The following RHBDD1 variants were observed in gnomAD, a reference collection of about 807,000 sequenced individuals.
RHBDD1 encodes rhomboid-related protein 4.
Under a neutral mutation model 36.3 loss-of-function variants are expected in RHBDD1, and 38 were observed. That is an observed-to-expected ratio of 1.05 (90% confidence interval 0.81 to 1.37). RHBDD1 has a LOEUF of 1.37. Ranked by LOEUF, RHBDD1 falls within the 40% of genes most tolerant of loss-of-function variation. The pLI, the probability that RHBDD1 is intolerant of heterozygous loss-of-function variation, is 0.00. For synonymous variants in RHBDD1, 151 were observed against 136.5 expected (o/e 1.11, Z -0.74); for missense variants, 393 against 377.6 (o/e 1.04, Z -0.34).
intron 3 of RHBDD1, among the ~76,000 whole-genome samples, chr2:226,847,462 C>T (rs1278103662): frequency 6.6e-6 from 1 of 151,978 alleles, no homozygotes; most frequent in Non-Finnish European, 1.5e-5. Context: ...TATTATTTGC[C>T]CATTTCCAAA....
chr2:226,961,893 A>G (rs574095046), intron 8 of RHBDD1, among the ~76,000 whole-genome samples: 1 of 152,298 alleles, frequency 6.6e-6, no homozygotes, highest in African/African-American at 2.4e-5. Context: ...TAGGTGAGGA[A>G]ATGAAGGTGC....
chr2:226,974,948 C>G (rs1174450441), intron 8 of RHBDD1, among the ~76,000 whole-genome samples: 1 of 152,154 alleles, frequency 6.6e-6, no homozygotes, highest in Non-Finnish European at 1.5e-5. Flanking sequence ...GCTCCTGTGG[C>G]ACAGATGAGG....
At position 226,848,108 on chromosome 2, in the gene RHBDD1, A is replaced by G. The variant is rs115237153; in HGVS notation, c.-91+8481A>G. On this transcript the variant is annotated intron_variant, in intron 3 of 8. Transcript: ENST00000392062. ...TTCTTGTTACTTTTTTAAAATCTTG[A>G]TTTTTAAAACGGATTTTTTTTTAAG... 7.9e-3 allele frequency among the ~76,000 whole-genome samples: 1,203 copies of G among 152,290 alleles called. 14 individuals carry two copies. Among genetic ancestry groups the G allele is most frequent in the South Asian group, 0.043 (208 of 4,826 alleles).
At chr2:226,907,065 G>A (rs771075124) in intron 6 of RHBDD1, 184 bp downstream of exon 6, 1 of 654,668 alleles carries the variant, frequency 1.5e-6, no homozygotes, top group East Asian at 2.7e-5. Flanking sequence ...CACAAAAGAG[G>A]CTGCAAACTT....
intron 8 of RHBDD1, chr2:226,988,785 C>G: frequency 2.4e-6 from 2 of 833,890 alleles, no homozygotes; most frequent in South Asian, 5.5e-5. Flanking sequence ...ACAAACTGTT[C>G]TCTATTTTAG....
rs188099548 is a variant in RHBDD1, at chr2:226,958,053, G to A, written c.857-37378G>A. Among the ~76,000 whole-genome samples, 484 of 152,198 alleles carry A rather than the reference G, an allele frequency of 3.2e-3. 1 individual carries two copies. The highest frequency in any genetic ancestry group is 5.3e-3 in the Admixed American group (81 of 15,290). On this transcript the variant is annotated intron_variant, in intron 8 of 8. Transcript: ENST00000392062. ...TTAATCACCAATTTTTAAGAGAAAT[G>A]AAAACATATACCTACACAAAAACTT...
chr2:226,987,692 G>A (rs1051133697), intron 8 of RHBDD1, among the ~76,000 whole-genome samples: 2 of 152,230 alleles, frequency 1.3e-5, no homozygotes, highest in African/African-American at 4.8e-5. Context: ...AGTGACCTGT[G>A]CCAGATCGTG....
At chr2:226,869,156 T>C in intron 5 of RHBDD1, 1 of 985,172 alleles carries the variant, frequency 1.0e-6, no homozygotes, top group Non-Finnish European at 1.2e-6. Flanking sequence ...CCCCCCAACT[T>C]ACATGGAAAA....
chr2:226,968,192 G>A (rs770442129), intron 8 of RHBDD1, among the ~76,000 whole-genome samples: 15 of 152,268 alleles, frequency 9.9e-5, no homozygotes, highest in Non-Finnish European at 2.2e-4. Flanking sequence ...TGTATAAACT[G>A]GAAGAACCCA....
At chr2:226,990,612 T>A (rs1367304528) in intron 8 of RHBDD1, among the ~76,000 whole-genome samples, 1 of 152,168 alleles carries the variant, frequency 6.6e-6, no homozygotes, top group Non-Finnish European at 1.5e-5. Flanking sequence ...TAGCAATTCT[T>A]ATCTGGACAA....
rs1318835600 is a variant in RHBDD1, at chr2:226,914,797, C to T, written c.856+446C>T. On this transcript the variant is annotated intron_variant, in intron 8 of 8. Transcript: ENST00000392062. ...AGCTCAGATTTGACTTCTGCTGAAC[C>T]AATCTGTCTGGGGGTAGAGCCTAGA... Among the ~76,000 whole-genome samples, 3 of 152,160 alleles carry T rather than the reference C, an allele frequency of 2.0e-5. No homozygotes were observed. The East Asian group carries it at 5.8e-4, about 29-fold the overall frequency.
rs368538686 is a variant in RHBDD1, at chr2:226,922,872, ACAAG to A, written c.856+8537_856+8540del. 4.8e-3 allele frequency among the ~76,000 whole-genome samples: 724 copies of A among 152,310 alleles called. 5 individuals are homozygous for A. Among genetic ancestry groups the A allele is most frequent in the South Asian group, 0.041 (198 of 4,824 alleles). ...AACTTAACACTGATTGCATAAACAA[ACAAG>A]CAAGCAAGCAAGCAAAGAGAAAATG... On this transcript the variant is annotated intron_variant, in intron 8 of 8. Transcript: ENST00000392062.
rs544393734 is a variant in RHBDD1 at position 226,937,369 on chromosome 2, T to C, written c.856+23018T>C. 1.2e-4 allele frequency among the ~76,000 whole-genome samples: 18 copies of C among 152,302 alleles called. No individual in the cohort carries two copies. In the East Asian group the frequency reaches 3.5e-3, roughly 29 times the overall value. On this transcript the variant is annotated intron_variant, in intron 8 of 8. Coordinates refer to ENST00000392062, the MANE Select transcript of RHBDD1 (RefSeq NM_001167608.3). ...AGACTTTGTTTTATAAACTCAATAG[T>C]TGATATTTTCAGTGAATAAAATTTT...
At chr2:226,969,719 T>A (rs1953079628) in intron 8 of RHBDD1, among the ~76,000 whole-genome samples, 1 of 152,234 alleles carries the variant, frequency 6.6e-6, no homozygotes, top group African/African-American at 2.4e-5. Context: ...ATCCATATGT[T>A]CCTGAGTCAC....
chr2:226,812,253 G>A, the RHBDD1 span, among the ~76,000 whole-genome samples: 1 of 152,192 alleles, frequency 6.6e-6, no homozygotes, highest in Non-Finnish European at 1.5e-5. Context: ...AAAATGGAAT[G>A]GTTTCTAAAA....
At chr2:226,854,888 GTAGAC>G in intron 3 of RHBDD1, among the ~76,000 whole-genome samples, 1 of 152,304 alleles carries the variant, frequency 6.6e-6, no homozygotes, top group Admixed American at 6.5e-5. Context: ...TGCTGTGTAA[GTAGAC>G]TAGGGGAAGA....
At chr2:226,943,437 A>G (rs1312491178) in intron 8 of RHBDD1, among the ~76,000 whole-genome samples, 2 of 152,216 alleles carry the variant, frequency 1.3e-5, no homozygotes, top group African/African-American at 4.8e-5. Context: ...TCAAACCAGA[A>G]CAATCCAAAG....
chr2:226,885,530 A>T (rs1415854260), intron 5 of RHBDD1, among the ~76,000 whole-genome samples: 1 of 152,178 alleles, frequency 6.6e-6, no homozygotes, highest in Non-Finnish European at 1.5e-5. Context: ...AAAACACAAT[A>T]AAATAAGGGT....
At chr2:226,912,647 A>G (rs888242198) in intron 7 of RHBDD1, among the ~76,000 whole-genome samples, 2 of 152,190 alleles carry the variant, frequency 1.3e-5, no homozygotes, top group African/African-American at 4.8e-5. Context: ...GCTATCCAGA[A>G]TAGGCATATT....
Sources: gnomAD v4.1 joint callset for allele counts (sites outside exome capture counted in the v4.1 genomes callset) on GRCh38, gnomAD v4.1.1 for gene constraint, MANE v1.5 for transcripts, NCBI Gene and HGNC (gene_info 2026-07-23, HGNC 2026-07-21) for gene names.